The following KRABD4 variants were observed in gnomAD, a reference collection of about 807,000 sequenced individuals.
KRABD4 encodes the protein KRAB domain-containing protein 4.
the KRABD4 span, chrX:46,455,370 C>T: frequency 1.0e-5 from 5 of 478,414 alleles, no homozygotes; most frequent in East Asian, 2.0e-4. Flanking sequence ...CCTATTCATC[C>T]TCCTCAGGGA....
At chrX:46,470,014 A>G in the KRABD4 span, among the ~76,000 whole-genome samples, 1 of 110,211 alleles carries the variant, frequency 9.1e-6, no homozygotes, top group African/African-American at 3.3e-5. Context: ...ATTTGCATGT[A>G]CCATTTTTTT....
the KRABD4 span, chrX:46,450,341 C>T: frequency 1.8e-6 from 1 of 551,500 alleles, no homozygotes; most frequent in Non-Finnish European, 2.9e-6. Flanking sequence ...ATCACTCTCC[C>T]TAGGGTACAA....
At chrX:46,464,313 G>A in the KRABD4 span, among the ~76,000 whole-genome samples, 1 of 112,006 alleles carries the variant, frequency 8.9e-6, no homozygotes, top group Non-Finnish European at 1.9e-5. Context: ...GGGCATTGTT[G>A]GGGCACTAAG....
chrX:46,470,732 C>T, the KRABD4 span, among the ~76,000 whole-genome samples: 1 of 110,773 alleles, frequency 9.0e-6, no homozygotes, highest in Non-Finnish European at 1.9e-5. Flanking sequence ...TGATATGTTG[C>T]ATTTTCATTT....
chrX:46,450,944 C>T, the KRABD4 span, among the ~76,000 whole-genome samples: 1 of 110,514 alleles, frequency 9.0e-6, no homozygotes, highest in South Asian at 3.8e-4. Flanking sequence ...CTCAAGTGAT[C>T]CCCCCACCTC....
chrX:46,464,839 A>T, the KRABD4 span, among the ~76,000 whole-genome samples: 2 of 112,014 alleles, frequency 1.8e-5, 1 homozygote, highest in Middle Eastern at 8.3e-3. Context: ...ATTATATTAA[A>T]ATACAGACAT....
At chrX:46,458,315 T>A in the KRABD4 span, among the ~76,000 whole-genome samples, 1 of 112,122 alleles carries the variant, frequency 8.9e-6, no homozygotes, top group Non-Finnish European at 1.9e-5. Context: ...ACCAAAGAAG[T>A]TATAAACTGT....
chrX:46,473,216 T>G, the KRABD4 span: 1 of 1,177,566 alleles, frequency 8.5e-7, no homozygotes, highest in East Asian at 3.1e-5. Flanking sequence ...GCAAACTTAG[T>G]TGTACATCAA....
At chrX:46,459,722 C>A in the KRABD4 span, among the ~76,000 whole-genome samples, 1 of 111,739 alleles carries the variant, frequency 8.9e-6, no homozygotes, top group Non-Finnish European at 1.9e-5. Flanking sequence ...TTACTGGAAG[C>A]CTGATAATGG....
chrX:46,471,317 G>A, the KRABD4 span: 3 of 731,514 alleles, frequency 4.1e-6, no homozygotes. Flanking sequence ...AATTTCTCCA[G>A]CTTTCTTTTG....
At chrX:46,467,291 G>A in the KRABD4 span, among the ~76,000 whole-genome samples, 5 of 111,788 alleles carry the variant, frequency 4.5e-5, no homozygotes, top group South Asian at 3.7e-4. Context: ...GGTGCCTCAC[G>A]CCTGTAATCC....
At chrX:46,466,844 A>AACT in the KRABD4 span, among the ~76,000 whole-genome samples, 1 of 112,048 alleles carries the variant, frequency 8.9e-6, no homozygotes, top group Non-Finnish European at 1.9e-5. Context: ...ATAGCTGTGT[A>AACT]ACTACTACTA....
chrX:46,448,272 C>G, the KRABD4 span: 2 of 112,315 alleles, frequency 1.8e-5, no homozygotes, highest in African/African-American at 6.5e-5. Context: ...AGCTTCCTCA[C>G]TTAGTCTCAG....
the KRABD4 span, chrX:46,455,438 A>G: frequency 1.6e-3 from 697 of 436,468 alleles, 3 homozygotes; most frequent in Non-Finnish European, 1.8e-3. Flanking sequence ...ACTGTACAGT[A>G]TGGGTTTTCA....
the KRABD4 span, among the ~76,000 whole-genome samples, chrX:46,450,141 T>A: frequency 7.1e-5 from 8 of 112,298 alleles, no homozygotes; most frequent in Non-Finnish European, 1.3e-4. Context: ...TGTTTCATTA[T>A]GACAAATGTC....
chrX:46,463,467 C>T, the KRABD4 span: 6 of 522,140 alleles, frequency 1.1e-5, no homozygotes, highest in East Asian at 7.3e-5. Flanking sequence ...GCCTGGCCGC[C>T]GGTTACAGTC....
At chrX:46,459,962 G>A in the KRABD4 span, among the ~76,000 whole-genome samples, 1 of 111,958 alleles carries the variant, frequency 8.9e-6, no homozygotes, top group African/African-American at 3.2e-5. Context: ...CAGGTTGAGG[G>A]CTTAGTCCCA....
At chrX:46,473,321 C>T in the KRABD4 span, 1 of 1,160,637 alleles carries the variant, frequency 8.6e-7, no homozygotes, top group Non-Finnish European at 1.1e-6. Context: ...AGAACTCACA[C>T]AGGGGAGAAG....
chrX:46,450,523 A>T, the KRABD4 span: 1 of 1,131,125 alleles, frequency 8.8e-7, no homozygotes, highest in Admixed American at 2.2e-5. Flanking sequence ...AATTGAGGCA[A>T]GGTTTGGAAT....
Sources: gnomAD v4.1 joint callset for allele counts (sites outside exome capture counted in the v4.1 genomes callset) on GRCh38, gnomAD v4.1.1 for gene constraint, MANE v1.5 for transcripts, NCBI Gene and HGNC (gene_info 2026-07-23, HGNC 2026-07-21) for gene names.